Variants in PLXND1 observed in about 807,000 individuals in gnomAD.
The protein encoded by PLXND1 is plexin D1.
In PLXND1, 54 loss-of-function variants were observed where a neutral mutation model predicts 197.7. The ratio of observed to expected loss-of-function variants is 0.27; its 90% CI spans 0.22 to 0.34. PLXND1 has a LOEUF of 0.34. Among genes scored for constraint, PLXND1 ranks in the 10% least tolerant of loss-of-function variants. The pLI is 1.00. For synonymous variants in PLXND1, 1,180 were observed against 1,161.2 expected, an observed-to-expected ratio of 1.02 and a Z score of -0.33; for missense variants, 2,127 against 2,699.2, an observed-to-expected ratio of 0.79 and a Z score of 4.70.
rs766519168 is a variant in PLXND1 at position 129,558,478 on chromosome 3, C to T, written c.5395G>A (p.Ala1799Thr). 18 of 1,613,698 alleles carry T rather than the reference C, an allele frequency of 1.1e-5. No individual in the cohort carries two copies. Among genetic ancestry groups the T allele is most frequent in the African/African-American group, 2.7e-5 (2 of 74,884 alleles). ...GAGCAGGCGTCGATGAAGGCCTGCGCGATGACTGAAAGGCAGGCGTCGATG... is the reference window on the plus strand; with the variant it reads ...GAGCAGGCGTCGATGAAGGCCTGCGTGATGACTGAAAGGCAGGCGTCGATG... Reference protein sequence around the residue: ...DHIDACLSVIAQAFIDACSIS... With the variant: ...DHIDACLSVITQAFIDACSIS... The change falls in exon 33 of 36, where the codon GCG becomes ACG. Residue 1799 changes from alanine to threonine, a missense_variant. Ala to Thr is a moderately conservative substitution (Grantham distance 58). Around this residue, in one of 6 missense-constraint regions of PLXND1, gnomAD observed 200 missense variants for 303.3 expected, o/e 0.66. Coordinates refer to ENST00000324093, the MANE Select transcript of PLXND1 (RefSeq NM_015103.3). This position sits in a 1 kb window ranked among gnomAD's most constrained non-coding sequence, Gnocchi z 4.1.
intron 8 of PLXND1, among the ~76,000 whole-genome samples, chr3:129,579,330 T>C (rs890804889): frequency 1.3e-5 from 2 of 152,140 alleles, no homozygotes; most frequent in African/African-American, 4.8e-5. Context: ...CGTGTTAAGA[T>C]GCAGAGGTCT....
chr3:129,565,423 T>C lies in PLXND1; in HGVS notation c.4438A>G (p.Lys1480Glu). The change falls in exon 25 of 36, where the codon AAG becomes GAG. Residue 1480 changes from lysine (K) to glutamate (E), a missense_variant. Physicochemically the swap from Lys to Glu is moderately conservative, Grantham distance 56. This residue lies in a region of PLXND1 where 532 missense variants were observed against 811.0 expected (regional missense o/e 0.66). Coordinates refer to ENST00000324093, the MANE Select transcript of PLXND1 (RefSeq NM_015103.3). The stretch of plus-strand genomic sequence containing the variant: ...GACTCTGTGCGCCGCAGCATGAGCT[T>C]GGGGTTCTTGGCGGCCGAGGCGTCA... ...LIDASAAKNP[K>E]LMLRRTESVV... The C allele has an allele frequency of 6.2e-7, 1 of 1,614,106 alleles. No individual in the cohort carries two copies. Among genetic ancestry groups the C allele is most frequent in the Non-Finnish European group, 8.5e-7 (1 of 1,180,012 alleles).
intron 1 of PLXND1, among the ~76,000 whole-genome samples, chr3:129,601,277 G>A (rs1040057155): frequency 2.6e-5 from 4 of 152,174 alleles, no homozygotes; most frequent in African/African-American, 9.7e-5. Context: ...TGCGGGGACC[G>A]AGGTTCTCTG....
In PLXND1 at chr3:129,577,521, C is replaced by T. The variant is rs989592370; in HGVS notation, c.2346+808G>A. 5.9e-5 allele frequency among the ~76,000 whole-genome samples: 9 copies of T among 152,080 alleles called. No homozygotes were observed. Among genetic ancestry groups the T allele is most frequent in the East Asian group, 3.9e-4 (2 of 5,186 alleles). The stretch of plus-strand genomic sequence containing the variant: ...CCTCCCAGAGCTCCAGCCCCTGCCA[C>T]GAGGCTTCCCGACACATCCCAGATG... On this transcript the variant is annotated intron_variant, in intron 9 of 35. Transcript: ENST00000324093. The surrounding 1 kb of genome is among the most constrained non-coding windows in gnomAD (Gnocchi z 5.0).
chr3:129,585,965 C>T lies in PLXND1; in HGVS notation c.1838G>A (p.Arg613His), dbSNP rs773387450. The T allele has an allele frequency of 1.3e-5, 21 of 1,613,912 alleles. No individual in the cohort carries two copies. Among genetic ancestry groups the T allele is most frequent in the Middle Eastern group, 3.3e-4 (2 of 6,084 alleles). The change falls in exon 5 of 36, where the codon CGC becomes CAC. Residue 613 changes from arginine to histidine, a missense_variant. Around this residue, in one of 6 missense-constraint regions of PLXND1, gnomAD observed 1,095 missense variants for 1,259.8 expected, o/e 0.87. Transcript: ENST00000324093. Reference sequence around the variant, plus strand: ...CCCAGGACTCACTGGGTACTCCTGGCGCACATCGATCTCGGAAGGCAGGAC... The same window carrying T: ...CCCAGGACTCACTGGGTACTCCTGGTGCACATCGATCTCGGAAGGCAGGAC... ...MTVLPSEIDV[R>H]QEYPGMILQI... is the part of the protein sequence containing the mutation.
rs2085164025 is a variant in PLXND1 at position 129,567,776 on chromosome 3, G to A, written c.3895C>T (p.Arg1299Cys). ...GTCTTCTGCCAGTAACGCTCAGCAC[G>A]TCGGCTCTTGGTACAGAAGACGAAC... ...ALFVFCTKSR[R>C]AERYWQKTLL... is the part of the protein sequence containing the mutation. The change falls in exon 21 of 36, where the codon CGT becomes TGT. Residue 1299 changes from arginine to cysteine, a missense_variant. Physicochemically the swap from Arg to Cys is radical, Grantham distance 180. Transcript: ENST00000324093. 3 of 1,612,708 alleles carry A rather than the reference G, an allele frequency of 1.9e-6. No individual in the cohort carries two copies. Among genetic ancestry groups the A allele is most frequent in the Non-Finnish European group, 1.7e-6 (2 of 1,178,870 alleles).
chr3:129,558,777 G>GC lies in PLXND1; in HGVS notation c.5298-203_5298-202insG. On this transcript the variant is annotated intron_variant, in intron 32 of 35. Coordinates refer to ENST00000324093, the MANE Select transcript of PLXND1 (RefSeq NM_015103.3). The surrounding 1 kb of genome is among the most constrained non-coding windows in gnomAD (Gnocchi z 4.1). ...GGGCTGAGAGCCCGGTTTCCTGCTGGAGCAAGGCAGGAGCTACAGGGCTTA... is the reference window on the plus strand; with the variant it reads ...GGGCTGAGAGCCCGGTTTCCTGCTGGCAGCAAGGCAGGAGCTACAGGGCTTA... 1.8e-6 allele frequency: 1 copy of GC among 569,686 alleles called. No homozygotes were observed. Among genetic ancestry groups the GC allele is most frequent in the Non-Finnish European group, 3.1e-6 (1 of 319,138 alleles). 35.3% of individuals were successfully genotyped at this position (569,686 alleles called of 1,614,324 possible).
chr3:129,601,700 T>C (rs181241107), intron 1 of PLXND1, among the ~76,000 whole-genome samples: 3 of 152,130 alleles, frequency 2.0e-5, no homozygotes, highest in African/African-American at 7.2e-5. Flanking sequence ...CCCCACCCCA[T>C]GGGTACCAAC....
chr3:129,586,202 G>A lies in PLXND1; in HGVS notation c.1691C>T (p.Ala564Val). The A allele has an allele frequency of 6.2e-7, 1 of 1,604,332 alleles. No individual in the cohort carries two copies. Among genetic ancestry groups the A allele is most frequent in the Non-Finnish European group, 8.5e-7 (1 of 1,178,372 alleles). The part of the protein sequence containing the change: ...TCGDCVGAAD[A>V]YCGWCALETR... ...CTCCAGGGCACACCAGCCGCAGTAG[G>A]CGTCCGCCGCACCCACGCAGTCCCC... Residue 564 changes from alanine to valine, a missense_variant, in exon 4 of 36, where the codon GCC (alanine) becomes GTC (valine). Physicochemically the swap from Ala to Val is moderately conservative, Grantham distance 64. Coordinates refer to ENST00000324093, the MANE Select transcript of PLXND1 (RefSeq NM_015103.3).
chr3:129,605,841 T>A lies in PLXND1; in HGVS notation c.799A>T (p.Ile267Phe). 1 of 1,612,910 alleles carries A rather than the reference T, an allele frequency of 6.2e-7. No homozygotes were observed. Among genetic ancestry groups the A allele is most frequent in the South Asian group, 1.1e-5 (1 of 91,022 alleles). ...LNPSDDNILK[I>F]KQGAKEQHKL... ...TGCTGCTCCTTGGCGCCCTGCTTGA[T>A]CTTGAGGATGTTGTCGTCGGAGGGG... is the stretch of plus-strand genomic sequence containing the variant. The change falls in exon 1 of 36, where the codon ATC becomes TTC. Residue 267 changes from isoleucine (I) to phenylalanine (F), a missense_variant. Around this residue, in one of 6 missense-constraint regions of PLXND1, gnomAD observed 1,095 missense variants for 1,259.8 expected, o/e 0.87. Transcript: ENST00000324093.
At chr3:129,591,091 C>T (rs1265493744) in intron 1 of PLXND1, among the ~76,000 whole-genome samples, 6 of 152,190 alleles carry the variant, frequency 3.9e-5, no homozygotes, top group African/African-American at 7.2e-5. Flanking sequence ...AACACAGTTA[C>T]GGCCGGATGG....
intron 2 of PLXND1, among the ~76,000 whole-genome samples, chr3:129,589,069 G>A (rs2085499547): frequency 6.6e-6 from 1 of 152,186 alleles, no homozygotes; most frequent in African/African-American, 2.4e-5. Context: ...TTTGAACTCA[G>A]AGCCATACAG....
At chr3:129,565,570 T>C (rs1277628927) in intron 24 of PLXND1, 32 bp from the exon 25 acceptor site, 6 of 1,589,138 alleles carry the variant, frequency 3.8e-6, no homozygotes, top group African/African-American at 1.3e-5. Flanking sequence ...CAACTGCACC[T>C]TGAGGCCCTA....
chr3:129,559,804 C>T (rs772089941), intron 31 of PLXND1, 21 bp from the exon 32 acceptor site: 10 of 1,569,178 alleles, frequency 6.4e-6, no homozygotes, highest in Admixed American at 1.8e-5. Context: ...GTGGGGTGGC[C>T]GCCGTCAGCC....
intron 31 of PLXND1, 130 bp downstream of exon 31, chr3:129,560,200 G>T: frequency 1.6e-6 from 1 of 643,202 alleles, no homozygotes; most frequent in South Asian, 1.9e-5. Context: ...CAGCCCCACA[G>T]GGGAAACAGG....
At position 129,572,949 on chromosome 3, in the gene PLXND1, G is replaced by A. The variant is rs765346453; in HGVS notation, c.2838-8C>T. The A allele has an allele frequency of 2.5e-6, 4 of 1,605,974 alleles. No individual in the cohort carries two copies. The East Asian group carries it at 6.7e-5, about 27-fold the overall frequency. On this transcript the variant is annotated splice_region_variant and splice_polypyrimidine_tract_variant and intron_variant, in intron 13 of 35. Coordinates refer to ENST00000324093, the MANE Select transcript of PLXND1 (RefSeq NM_015103.3). Reference sequence around the variant, plus strand: ...CCTGTGACACACACGATCCTGAGGGGAGGTGCTGTGGTCAGCCAGCGGTCC... The same window carrying A: ...CCTGTGACACACACGATCCTGAGGGAAGGTGCTGTGGTCAGCCAGCGGTCC...
rs1251531807 is a variant in PLXND1, at chr3:129,586,491, G to A, written c.1620+97C>T. The A allele has an allele frequency of 1.1e-5, 16 of 1,402,132 alleles. No homozygotes were observed. The Admixed American group carries it at 2.2e-4, about 19-fold the overall frequency. The allele number at this position is 1,402,132 out of a possible 1,614,324, so 86.9% of individuals were successfully genotyped here. A position where few individuals can be genotyped will look rare whatever the true frequency, so the allele number is the denominator to read the frequency against. The stretch of plus-strand genomic sequence containing the variant: ...AGCAGATAAGGGAGATGGAGGAGGA[G>A]GGTGCTCCCAGCAGAGGAACAGCGT... On this transcript the variant is annotated intron_variant, in intron 3 of 35. Coordinates refer to ENST00000324093, the MANE Select transcript of PLXND1 (RefSeq NM_015103.3).
At position 129,605,751 on chromosome 3, in the gene PLXND1, C is replaced by T. The variant is rs376671922; in HGVS notation, c.889G>A (p.Ala297Thr). The stretch of plus-strand genomic sequence containing the variant: ...GCCTCGCTGTTGAGCGCCAGGTACG[C>T]GTAGGACTGTGCACCCGGCGGCGGG... ...SDPPPGAQSY[A>T]YLALNSEARA... The change falls in exon 1 of 36, where the codon GCG (alanine) becomes ACG (threonine). Residue 297 changes from alanine to threonine, a missense_variant. Transcript: ENST00000324093. 276 of 1,556,478 alleles carry T rather than the reference C, an allele frequency of 1.8e-4. No individual in the cohort carries two copies. The highest frequency in any genetic ancestry group is 1.2e-3 in the Middle Eastern group (7 of 5,990).
chr3:129,555,912 A>C lies in PLXND1; in HGVS notation c.*400T>G. On this transcript the variant is annotated 3_prime_UTR_variant, in exon 36 of 36. Coordinates refer to ENST00000324093, the MANE Select transcript of PLXND1 (RefSeq NM_015103.3). ...CCCTGCACCAGTGTGGATGAGGTAGAGTTTCTGGGCTGCAGCCTCCGGGCT... is the reference window on the plus strand; with the variant it reads ...CCCTGCACCAGTGTGGATGAGGTAGCGTTTCTGGGCTGCAGCCTCCGGGCT... 3.4e-6 allele frequency: 1 copy of C among 292,380 alleles called. No individual in the cohort carries two copies. The highest frequency in any genetic ancestry group is 5.1e-5 in the South Asian group (1 of 19,496). The allele number at this position is 292,380 out of a possible 1,614,324, so 18.1% of individuals were successfully genotyped here.
Sources: gnomAD v4.1 joint callset for allele counts (sites outside exome capture counted in the v4.1 genomes callset) on GRCh38, gnomAD v4.1.1 for gene constraint, gnomAD v4.1.1 regional missense constraint, Gnocchi (gnomAD v3.1) non-coding constraint, MANE v1.5 for transcripts, NCBI Gene and HGNC (gene_info 2026-07-23, HGNC 2026-07-21) for gene names.